DHX37: variants seen among roughly 807,000 people sequenced by gnomAD.
DHX37 encodes the protein DEAH-box helicase 37, also known as probable ATP-dependent RNA helicase DHX37.
DHX37 carries 52 observed loss-of-function variants against 134.3 expected under a neutral mutation model. The ratio of observed to expected loss-of-function variants is 0.39; its 90% CI spans 0.31 to 0.49. The LOEUF is 0.49. DHX37 is among the 20% of genes least tolerant of loss of function. The pLI is 0.93. For missense variants in DHX37, 1,344 were observed against 1,580.8 expected (o/e 0.85, Z 2.54); for synonymous variants, 634 against 670.7 (o/e 0.95, Z 0.85).
chr12:124,959,237 C>A (rs1206167737), intron 16 of DHX37, among the ~76,000 whole-genome samples: 2 of 152,022 alleles, frequency 1.3e-5, no homozygotes, highest in Non-Finnish European at 2.9e-5. Context: ...CCACACTCAG[C>A]TAATTTTTTG....
intron 18 of DHX37, among the ~76,000 whole-genome samples, chr12:124,955,892 C>T (rs1241604651): frequency 1.4e-5 from 2 of 143,356 alleles, no homozygotes; most frequent in East Asian, 4.7e-4. Flanking sequence ...AGTGATGTGG[C>T]CTAAAGCAAA....
intron 5 of DHX37, 86 bp downstream of exon 5, chr12:124,977,256 C>T (rs1954666457): frequency 4.2e-6 from 6 of 1,430,656 alleles, no homozygotes; most frequent in Non-Finnish European, 5.5e-6. Context: ...GGATTGGATC[C>T]TGGGGAGCCC....
chr12:124,973,803 G>C (rs1954572005), intron 6 of DHX37, among the ~76,000 whole-genome samples: 1 of 151,922 alleles, frequency 6.6e-6, no homozygotes, highest in East Asian at 1.9e-4. Context: ...ACCACACCCA[G>C]CTAATTTTTT....
intron 21 of DHX37, 83 bp from the exon 22 acceptor site, chr12:124,950,887 G>A: frequency 6.8e-7 from 1 of 1,463,570 alleles, no homozygotes; most frequent in Admixed American, 2.9e-5. Flanking sequence ...AGAAGAATCT[G>A]ATTATCCACT....
At position 124,982,530 on chromosome 12, in the gene DHX37, G is replaced by A. The variant is rs760296176; in HGVS notation, c.370C>T (p.Arg124Cys). The change falls in exon 3 of 27, where the codon CGC becomes TGC. Residue 124 changes from arginine to cysteine, a missense_variant. Coordinates refer to ENST00000308736, the MANE Select transcript of DHX37 (RefSeq NM_032656.4). The part of the protein sequence containing the change: ...YTTSKLGTGN[R>C]MYHTKEKADE... Reference sequence around the variant, plus strand: ...ACTCACTCTTTGGTGTGATACATGCGGTTCCCAGTGCCTAGCTTGGAAGTG... The same window carrying A: ...ACTCACTCTTTGGTGTGATACATGCAGTTCCCAGTGCCTAGCTTGGAAGTG... The A allele has an allele frequency of 6.2e-6, 10 of 1,613,524 alleles. No homozygotes were observed. The East Asian group carries it at 6.7e-5, about 11-fold the overall frequency.
chr12:124,950,065 G>A lies in DHX37; in HGVS notation c.3217-6C>T. The A allele has an allele frequency of 1.2e-6, 2 of 1,613,808 alleles. No homozygotes were observed. Among genetic ancestry groups the A allele is most frequent in the Non-Finnish European group, 1.7e-6 (2 of 1,179,912 alleles). The stretch of plus-strand genomic sequence containing the variant: ...GAGGCCAGCTTGCGGAAGACCTGAT[G>A]AGAGACCACAGGAAGGGGTGAGGCC... On this transcript the variant is annotated splice_polypyrimidine_tract_variant and splice_region_variant and intron_variant, in intron 24 of 26. Transcript: ENST00000308736.
intron 6 of DHX37, 105 bp downstream of exon 6, chr12:124,975,314 C>T (rs1043119022): frequency 7.6e-6 from 9 of 1,182,454 alleles, no homozygotes; most frequent in Non-Finnish European, 9.8e-6. Flanking sequence ...ACACTCCACC[C>T]AGCACCCTCG....
intron 9 of DHX37, 31 bp from the exon 10 acceptor site, chr12:124,968,679 G>T (rs543175724): frequency 7.0e-5 from 112 of 1,603,212 alleles, no homozygotes; most frequent in East Asian, 5.3e-4. Context: ...CATGGGGAGT[G>T]GGGGGGACAC....
In DHX37 at chr12:124,966,773, C is replaced by T. The variant is rs766022237; in HGVS notation, c.1590+20G>A. On this transcript the variant is annotated intron_variant, in intron 12 of 26. Coordinates refer to ENST00000308736, the MANE Select transcript of DHX37 (RefSeq NM_032656.4). Reference sequence around the variant, plus strand: ...AACGCAGCCTTACTCTCCAGGAGTCCCTGCCAGCCCCCCACGTACCTCAGC... The same window carrying T: ...AACGCAGCCTTACTCTCCAGGAGTCTCTGCCAGCCCCCCACGTACCTCAGC... 8.1e-6 allele frequency: 13 copies of T among 1,613,648 alleles called. No individual in the cohort carries two copies. The highest frequency in any genetic ancestry group is 1.0e-5 in the Non-Finnish European group (12 of 1,179,622).
At chr12:124,956,495 TTTTC>T (rs765186910) in intron 18 of DHX37, among the ~76,000 whole-genome samples, 192 bp downstream of exon 18, 10 of 152,316 alleles carry the variant, frequency 6.6e-5, no homozygotes, top group Admixed American at 2.0e-4. Flanking sequence ...TCACTTTTCT[TTTTC>T]TTTTTTTAGA....
intron 16 of DHX37, among the ~76,000 whole-genome samples, chr12:124,959,624 T>C (rs1594481232): frequency 6.6e-6 from 1 of 152,204 alleles, no homozygotes; most frequent in East Asian, 1.9e-4. Flanking sequence ...TACAGGATGT[T>C]ATGTGTTTGG....
intron 23 of DHX37, 75 bp downstream of exon 23, chr12:124,950,338 G>A (rs377725972): frequency 1.2e-6 from 2 of 1,601,060 alleles, no homozygotes; most frequent in South Asian, 2.2e-5. Context: ...TCCGGGGGCA[G>A]GGGACAGGAC....
chr12:124,972,574 C>T lies in DHX37; in HGVS notation c.1006G>A (p.Glu336Lys), dbSNP rs771709192. ...QRVVSYQIRY[E>K]GNVTEETRIK... Reference sequence around the variant, plus strand: ...CTGGTCTCCTCTGTCACGTTTCCTTCATACCGGATCTGGTAGGAGACGACC... The same window carrying T: ...CTGGTCTCCTCTGTCACGTTTCCTTTATACCGGATCTGGTAGGAGACGACC... Residue 336 changes from glutamate (E) to lysine (K), a missense_variant, in exon 7 of 27, where the codon GAA becomes AAA. Physicochemically the swap from Glu to Lys is moderately conservative, Grantham distance 56. This residue lies in a region of DHX37 where 30 missense variants were observed against 72.5 expected (regional missense o/e 0.41). Transcript: ENST00000308736. The T allele has an allele frequency of 1.2e-6, 2 of 1,614,230 alleles. No individual in the cohort carries two copies. The highest frequency in any genetic ancestry group is 1.7e-6 in the Non-Finnish European group (2 of 1,180,036).
intron 11 of DHX37, 40 bp from the exon 12 acceptor site, chr12:124,966,918 C>T (rs781438991): frequency 1.2e-5 from 19 of 1,611,446 alleles, no homozygotes; most frequent in East Asian, 2.2e-5. Flanking sequence ...CGTCTGTGGC[C>T]GGCGTGGTCG....
chr12:124,967,506 G>A (rs1453847824), intron 10 of DHX37, among the ~76,000 whole-genome samples: 2 of 152,126 alleles, frequency 1.3e-5, no homozygotes, highest in Admixed American at 1.3e-4. Flanking sequence ...CCACACTCAC[G>A]ACAGTGACAG....
intron 22 of DHX37, 49 bp from the exon 23 acceptor site, chr12:124,950,599 AG>A (rs763829040): frequency 1.9e-6 from 3 of 1,550,332 alleles, no homozygotes; most frequent in Non-Finnish European, 2.6e-6. Flanking sequence ...CCTCCGTGGG[AG>A]GGGCTGCCAT....
intron 6 of DHX37, among the ~76,000 whole-genome samples, 179 bp from the exon 7 acceptor site, chr12:124,972,778 T>TGAAGG (rs1189537010): frequency 8.5e-5 from 13 of 152,182 alleles, no homozygotes. Context: ...TCCTGGTTTC[T>TGAAGG]GAAGGGAAGG....
At position 124,965,905 on chromosome 12, in the gene DHX37, C is replaced by A. The variant is rs187620439; in HGVS notation, c.1591-93G>T. The A allele has an allele frequency of 2.5e-4, 376 of 1,508,576 alleles. 4 individuals carry two copies. In the African/African-American group the frequency reaches 4.3e-3, roughly 17 times the overall value. 93.4% of individuals were successfully genotyped at this position (1,508,576 alleles called of 1,614,324 possible). A position where few individuals can be genotyped will look rare whatever the true frequency, so the allele number is the denominator to read the frequency against. ...GAAGACAGGTGCCCTCGCATGGAAG[C>A]CCCGGTCCACACCCATGGGCCATGC... is the stretch of plus-strand genomic sequence containing the variant. On this transcript the variant is annotated intron_variant, in intron 12 of 26. Transcript: ENST00000308736.
chr12:124,976,398 T>C (rs1055364231), intron 5 of DHX37, among the ~76,000 whole-genome samples: 37 of 152,304 alleles, frequency 2.4e-4, no homozygotes, highest in African/African-American at 8.9e-4. Context: ...AAAGTGCCAA[T>C]AGCAGGCTAC....
Sources: gnomAD v4.1 joint callset for allele counts (sites outside exome capture counted in the v4.1 genomes callset) on GRCh38, gnomAD v4.1.1 for gene constraint, gnomAD v4.1.1 regional missense constraint, MANE v1.5 for transcripts, NCBI Gene and HGNC (gene_info 2026-07-23, HGNC 2026-07-21) for gene names.